Variants in SLC24A3 observed in about 807,000 individuals in gnomAD.
SLC24A3 encodes solute carrier family 24 member 3.
SLC24A3 carries 28 observed loss-of-function variants against 75.8 expected under a neutral mutation model. The observed-to-expected ratio is 0.37, with a 90% CI of 0.27 to 0.51. SLC24A3 has a LOEUF of 0.51. Ranked by LOEUF, SLC24A3 falls within the 20% of genes least tolerant of loss-of-function variation. The pLI is 0.94. For synonymous variants in SLC24A3, 372 were observed against 334.1 expected (o/e 1.11, Z -1.24); for missense variants, 663 against 847.8 (o/e 0.78, Z 2.71).
At chr20:19,615,934 C>T (rs565524876) in intron 6 of SLC24A3, among the ~76,000 whole-genome samples, 1 of 152,280 alleles carries the variant, frequency 6.6e-6, no homozygotes, top group African/African-American at 2.4e-5. Flanking sequence ...TTCTCTCTTC[C>T]CCAGCTTGCA....
intron 2 of SLC24A3, among the ~76,000 whole-genome samples, chr20:19,475,179 A>T (rs538891095): frequency 1.1e-4 from 17 of 152,254 alleles, no homozygotes; most frequent in African/African-American, 3.9e-4. Context: ...TTTACTAAAA[A>T]TACAAAAAAA....
At chr20:19,344,778 G>T (rs8116260) in intron 2 of SLC24A3, among the ~76,000 whole-genome samples, 8,065 of 152,278 alleles carry the variant, frequency 0.053, 683 homozygotes, top group African/African-American at 0.18. Flanking sequence ...ATGGAGCCTG[G>T]TCTGTGGCCA....
intron 15 of SLC24A3, among the ~76,000 whole-genome samples, chr20:19,710,880 A>C (rs1025207461): frequency 6.6e-6 from 1 of 152,246 alleles, no homozygotes; most frequent in Admixed American, 6.5e-5. Flanking sequence ...CTCTATGCAA[A>C]TTATGCCTCA....
chr20:19,577,063 TTA>T (rs1287554797), intron 3 of SLC24A3, among the ~76,000 whole-genome samples: 5 of 151,582 alleles, frequency 3.3e-5, no homozygotes, highest in Admixed American at 6.6e-5. Flanking sequence ...CATTTTCTTT[TTA>T]TTTTTTTGAG....
intron 4 of SLC24A3, among the ~76,000 whole-genome samples, chr20:19,581,399 C>G (rs547312694): frequency 1.3e-5 from 2 of 152,276 alleles, no homozygotes; most frequent in African/African-American, 4.8e-5. Flanking sequence ...CTGGAAATGT[C>G]AGTACAGTTG....
rs6136741 is a variant in SLC24A3 at position 19,455,076 on chromosome 20, T to C, written c.272-60412T>C. ...TGTCCCCCAATACCTAACCCTCATA[T>C]TTCATGCCCATTCCCAAGCTAAGCA... is the stretch of plus-strand genomic sequence containing the variant. On this transcript the variant is annotated intron_variant, in intron 2 of 16. Transcript: ENST00000328041. Among the ~76,000 whole-genome samples, 3,056 of 152,236 alleles carry C rather than the reference T, an allele frequency of 0.02. 303 individuals carry two copies. In the East Asian group the frequency reaches 0.33, roughly 16 times the overall value.
chr20:19,559,574 T>C (rs2030841439), intron 3 of SLC24A3, among the ~76,000 whole-genome samples: 1 of 152,098 alleles, frequency 6.6e-6, no homozygotes, highest in African/African-American at 2.4e-5. Flanking sequence ...TAACCCAAGG[T>C]CACAAAGATT....
At chr20:19,344,591 C>T (rs1434799310) in intron 2 of SLC24A3, among the ~76,000 whole-genome samples, 1 of 152,228 alleles carries the variant, frequency 6.6e-6, no homozygotes, top group African/African-American at 2.4e-5. Flanking sequence ...TCAACCCACT[C>T]AGTGGCTTGG....
chr20:19,277,964 TG>T (rs1983535497), intron 1 of SLC24A3, among the ~76,000 whole-genome samples: 3 of 152,206 alleles, frequency 2.0e-5, no homozygotes, highest in Middle Eastern at 3.2e-3. Context: ...ATGGCCACGC[TG>T]CTGGCCACAG....
intron 8 of SLC24A3, among the ~76,000 whole-genome samples, chr20:19,672,761 C>T (rs557276236): frequency 1.3e-5 from 2 of 152,136 alleles, no homozygotes; most frequent in African/African-American, 2.4e-5. Flanking sequence ...CAGGAAAAAC[C>T]CTTGTGTATG....
At chr20:19,264,728 C>CAAAAAAAAAA (rs371253803) in intron 1 of SLC24A3, among the ~76,000 whole-genome samples, 2 of 98,012 alleles carry the variant, frequency 2.0e-5, no homozygotes, top group Admixed American at 1.2e-4. Context: ...GACTCCATCT[C>CAAAAAAAAAA]AAAAAAAAAA....
chr20:19,656,621 A>T (rs563030460), intron 7 of SLC24A3, among the ~76,000 whole-genome samples: 4 of 152,034 alleles, frequency 2.6e-5, no homozygotes, highest in South Asian at 2.1e-4. Flanking sequence ...TTTGAAAAAA[A>T]TTTTTTTTCA....
At chr20:19,382,988 G>C (rs751400111) in intron 2 of SLC24A3, among the ~76,000 whole-genome samples, 4 of 152,218 alleles carry the variant, frequency 2.6e-5, no homozygotes, top group Non-Finnish European at 5.9e-5. Context: ...AGAGGCTTCT[G>C]TTTAAGTAGA....
At chr20:19,213,437 T>G (rs1981464367) in intron 1 of SLC24A3, 1 of 152,512 alleles carries the variant, frequency 6.6e-6, no homozygotes, top group Non-Finnish European at 1.5e-5. Context: ...ATGTTCTCCA[T>G]CCAGAGAGCA....
In SLC24A3 at chr20:19,468,376, G is replaced by A. The variant is rs562273012; in HGVS notation, c.272-47112G>A. On this transcript the variant is annotated intron_variant, in intron 2 of 16. Transcript: ENST00000328041. Reference sequence around the variant, plus strand: ...GGAAAGCTCTCAAAAAGCCAAGGGGGTACAGGCCTCAGAATCCGAGTTCAC... The same window carrying A: ...GGAAAGCTCTCAAAAAGCCAAGGGGATACAGGCCTCAGAATCCGAGTTCAC... Among the ~76,000 whole-genome samples, 7 of 152,104 alleles carry A rather than the reference G, an allele frequency of 4.6e-5. No individual in the cohort carries two copies. In the South Asian group the frequency reaches 8.3e-4, roughly 18 times the overall value.
intron 2 of SLC24A3, among the ~76,000 whole-genome samples, chr20:19,441,433 T>A (rs1987298265): frequency 1.3e-5 from 2 of 152,318 alleles, no homozygotes; most frequent in East Asian, 3.9e-4. Flanking sequence ...CAGTCCCCAC[T>A]CTGCTAATCA....
Position 19,696,916 on chromosome 20 carries a change from G to T in SLC24A3, c.1606+5G>T. The T allele has an allele frequency of 7.1e-7, 1 of 1,413,946 alleles. No homozygotes were observed. Among genetic ancestry groups the T allele is most frequent in the Non-Finnish European group, 9.5e-7 (1 of 1,053,982 alleles). 87.6% of individuals were successfully genotyped at this position (1,413,946 alleles called of 1,614,324 possible). A position where few individuals can be genotyped will look rare whatever the true frequency, so the allele number is the denominator to read the frequency against. On this transcript the variant is annotated splice_donor_5th_base_variant and intron_variant, in intron 14 of 16. Transcript: ENST00000328041. ...GCCTCATTGTGGCCAGACAAGGTGGGACTTCCAGTGGCAATGGGGAAGGAG... is the reference window on the plus strand; with the variant it reads ...GCCTCATTGTGGCCAGACAAGGTGGTACTTCCAGTGGCAATGGGGAAGGAG...
chr20:19,417,060 T>TA (rs1986838958), intron 2 of SLC24A3, among the ~76,000 whole-genome samples: 1 of 152,026 alleles, frequency 6.6e-6, no homozygotes, highest in African/African-American at 2.4e-5. Flanking sequence ...AAAGACAAGA[T>TA]AGACTGGAGA....
At chr20:19,504,228 G>A (rs938018918) in intron 2 of SLC24A3, among the ~76,000 whole-genome samples, 7 of 152,114 alleles carry the variant, frequency 4.6e-5, no homozygotes, top group African/African-American at 1.7e-4. Flanking sequence ...TTTTTAAGAG[G>A]GGAAGCAGAG....
Sources: gnomAD v4.1 joint callset for allele counts (sites outside exome capture counted in the v4.1 genomes callset) on GRCh38, gnomAD v4.1.1 for gene constraint, MANE v1.5 for transcripts, NCBI Gene and HGNC (gene_info 2026-07-23, HGNC 2026-07-21) for gene names.